KATNIP: variants seen among roughly 807,000 people sequenced by gnomAD.
The protein encoded by KATNIP is katanin-interacting protein.
A neutral mutation model predicts 174.0 loss-of-function variants in KATNIP; 126 were observed. That is an observed-to-expected ratio of 0.72 (90% CI 0.63 to 0.84). The LOEUF (loss-of-function observed/expected upper bound fraction) is 0.84, where lower values mean the gene tolerates loss of function less well. Among genes scored for constraint, KATNIP ranks in the 40% least tolerant of loss-of-function variants. The probability of loss-of-function intolerance (pLI) is 0.00; values close to 1 mark genes in which losing one functional copy is unlikely to be tolerated. For synonymous variants in KATNIP, 810 were observed against 835.7 expected, an observed-to-expected ratio of 0.97 and a Z score of 0.53; for missense variants, 1,958 against 2,109.7, an observed-to-expected ratio of 0.93 and a Z score of 1.41.
intron 8 of KATNIP, among the ~76,000 whole-genome samples, chr16:27,692,757 C>G (rs1421896224): frequency 2.0e-5 from 3 of 152,216 alleles, no homozygotes; most frequent in Non-Finnish European, 4.4e-5. Flanking sequence ...TGACCCATGT[C>G]TGTCTCTGCT....
At chr16:27,609,639 C>T (rs1456072335) in intron 2 of KATNIP, among the ~76,000 whole-genome samples, 1 of 151,324 alleles carries the variant, frequency 6.6e-6, no homozygotes, top group Non-Finnish European at 1.5e-5. Flanking sequence ...ATCCGCCCAC[C>T]TCAGCCTCCC....
chr16:27,699,547 C>G lies in KATNIP; in HGVS notation c.1127C>G (p.Pro376Arg). The change falls in exon 10 of 28, where the codon CCA becomes CGA. Residue 376 changes from proline to arginine, a missense_variant. By Grantham distance (103) the Pro-to-Arg change is moderately radical. Coordinates refer to ENST00000261588, the MANE Select transcript of KATNIP (RefSeq NM_015202.5). Reference sequence around the variant, plus strand: ...ACATCCTTCCAGGATGCAGAAGGACCACCAGCAAAACCATGGACCAGTCTG... The same window carrying G: ...ACATCCTTCCAGGATGCAGAAGGACGACCAGCAAAACCATGGACCAGTCTG... ...PASPLQDAEG[P>R]PAKPWTSLLE... 6.2e-7 allele frequency: 1 copy of G among 1,614,138 alleles called. No homozygotes were observed. Among genetic ancestry groups the G allele is most frequent in the Non-Finnish European group, 8.5e-7 (1 of 1,180,000 alleles).
chr16:27,670,494 G>A (rs2077857134), intron 6 of KATNIP, among the ~76,000 whole-genome samples: 1 of 152,240 alleles, frequency 6.6e-6, no homozygotes, highest in Non-Finnish European at 1.5e-5. Flanking sequence ...AATGCCGTCT[G>A]TATTCCCTGG....
In KATNIP at chr16:27,626,808, A is replaced by T. The variant is rs76762238; in HGVS notation, c.141-1853A>T. Among the ~76,000 whole-genome samples the T allele has an allele frequency of 7.2e-5, 11 of 152,028 alleles. No homozygotes were observed. The South Asian group carries it at 2.3e-3, about 32-fold the overall frequency. On this transcript the variant is annotated intron_variant, in intron 3 of 27. Coordinates refer to ENST00000261588, the MANE Select transcript of KATNIP (RefSeq NM_015202.5). ...CTAAAAACACACGCAAAAAAAAAAA[A>T]TTAGCTAGGTGTGGTGGCACATGCC...
At chr16:27,756,994 A>G (rs1041237700) in intron 18 of KATNIP, among the ~76,000 whole-genome samples, 9 of 152,172 alleles carry the variant, frequency 5.9e-5, no homozygotes, top group African/African-American at 2.2e-4. Context: ...GTTTTCCTGA[A>G]TCCCAATAGT....
At position 27,740,004 on chromosome 16, in the gene KATNIP, C is replaced by A. The variant is rs763264204; in HGVS notation, c.1744-37C>A. ...CAAAATTTCATACATCAGTCTGATG[C>A]TATGCATCTTCACTTTGTTAAATCT... On this transcript the variant is annotated intron_variant, in intron 14 of 27. Transcript: ENST00000261588. The A allele has an allele frequency of 3.2e-6, 5 of 1,576,574 alleles. No homozygotes were observed. The Admixed American group carries it at 9.2e-5, about 29-fold the overall frequency.
At position 27,780,088 on chromosome 16, in the gene KATNIP, A is replaced by C. The variant is rs2144354109; in HGVS notation, c.*1459A>C. 3 of 151,556 alleles carry C rather than the reference A, an allele frequency of 2.0e-5. No individual in the cohort carries two copies. The highest frequency in any genetic ancestry group is 6.8e-3 in the Middle Eastern group (2 of 292). The allele number at this position is 151,556 out of a possible 1,614,324, so 9.4% of individuals were successfully genotyped here. On this transcript the variant is annotated 3_prime_UTR_variant, in exon 28 of 28. Coordinates refer to ENST00000261588, the MANE Select transcript of KATNIP (RefSeq NM_015202.5). ...CGAGCACCTCCCGCCAGGGGGAGTC[A>C]GGGGTTGATCAAACCAGCTCTTGTG...
intron 6 of KATNIP, among the ~76,000 whole-genome samples, chr16:27,675,831 C>T (rs1408699765): frequency 1.3e-5 from 2 of 152,136 alleles, no homozygotes; most frequent in African/African-American, 4.8e-5. Flanking sequence ...GCAAATCTTT[C>T]CTGGAAAATC....
chr16:27,676,819 A>C (rs187221387), intron 6 of KATNIP, among the ~76,000 whole-genome samples: 1 of 152,214 alleles, frequency 6.6e-6, no homozygotes, highest in East Asian at 1.9e-4. Context: ...ACAGGCATGC[A>C]TCACCATACT....
chr16:27,768,538 C>A (rs2082193757), intron 20 of KATNIP, among the ~76,000 whole-genome samples: 1 of 152,144 alleles, frequency 6.6e-6, no homozygotes, highest in Non-Finnish European at 1.5e-5. Context: ...TAGCTCCAAG[C>A]CCAGCAGAAG....
At chr16:27,723,809 C>CCCTT in intron 14 of KATNIP, among the ~76,000 whole-genome samples, 1 of 151,380 alleles carries the variant, frequency 6.6e-6, no homozygotes, top group Non-Finnish European at 1.5e-5. Flanking sequence ...CTCCCTTCCT[C>CCCTT]CCTCCCTCCC....
intron 6 of KATNIP, among the ~76,000 whole-genome samples, chr16:27,652,122 T>C (rs2077138472): frequency 6.6e-6 from 1 of 152,202 alleles, no homozygotes; most frequent in South Asian, 2.1e-4. Flanking sequence ...CTGGGTACCA[T>C]TCCGGACACT....
At chr16:27,660,916 T>G (rs779220273) in intron 6 of KATNIP, among the ~76,000 whole-genome samples, 9 of 152,200 alleles carry the variant, frequency 5.9e-5, no homozygotes, top group Non-Finnish European at 1.0e-4. Flanking sequence ...CTGTGTCTCT[T>G]GTCCCTAGAA....
At chr16:27,587,656 T>C (rs1483040289) in intron 2 of KATNIP, among the ~76,000 whole-genome samples, 1 of 152,156 alleles carries the variant, frequency 6.6e-6, no homozygotes, top group Non-Finnish European at 1.5e-5. Flanking sequence ...TAGCCTACAG[T>C]TGGGCAAAAT....
chr16:27,760,849 T>C (rs2081925880), intron 18 of KATNIP, among the ~76,000 whole-genome samples: 1 of 152,068 alleles, frequency 6.6e-6, no homozygotes, highest in Non-Finnish European at 1.5e-5. Context: ...CAATGGAGGT[T>C]TGACCTGGTC....
chr16:27,583,830 A>G (rs2090785393), intron 2 of KATNIP, among the ~76,000 whole-genome samples: 1 of 152,186 alleles, frequency 6.6e-6, no homozygotes, highest in Non-Finnish European at 1.5e-5. Context: ...TCAGGCATGG[A>G]TGGATCTAGG....
chr16:27,633,206 C>G (rs233455), intron 5 of KATNIP, among the ~76,000 whole-genome samples: 125,730 of 152,034 alleles, frequency 0.83, 52,226 homozygotes, highest in East Asian at 1. Flanking sequence ...AGAAGGGGTT[C>G]ATTCAGTTGG....
intron 1 of KATNIP, among the ~76,000 whole-genome samples, chr16:27,563,285 G>A (rs1418500594): frequency 2.0e-5 from 3 of 152,122 alleles, no homozygotes; most frequent in African/African-American, 7.2e-5. Context: ...TAAGACCAAG[G>A]GCATGAGTGC....
chr16:27,733,209 C>CT (rs1297876415), intron 14 of KATNIP, among the ~76,000 whole-genome samples: 1 of 152,194 alleles, frequency 6.6e-6, no homozygotes, highest in Admixed American at 6.5e-5. Flanking sequence ...CGCCATGAAT[C>CT]TTTGTTGGGC....
Sources: gnomAD v4.1 joint callset for allele counts (sites outside exome capture counted in the v4.1 genomes callset) on GRCh38, gnomAD v4.1.1 for gene constraint, MANE v1.5 for transcripts, NCBI Gene and HGNC (gene_info 2026-07-23, HGNC 2026-07-21) for gene names.